The following PPP2R2A variants were observed in gnomAD, a reference collection of about 807,000 sequenced individuals.
The protein encoded by PPP2R2A is protein phosphatase 2 regulatory subunit Balpha.
In PPP2R2A, 9 loss-of-function variants were observed where a neutral mutation model predicts 53.2. That is an observed-to-expected ratio of 0.17 (90% CI 0.10 to 0.30). The LOEUF (loss-of-function observed/expected upper bound fraction) is 0.30. Ranked by LOEUF, PPP2R2A falls within the 10% of genes least tolerant of loss-of-function variation. The probability of loss-of-function intolerance (pLI) is 1.00; values close to 1 mark genes in which losing one functional copy is unlikely to be tolerated. For missense variants in PPP2R2A, 235 were observed against 534.6 expected (o/e 0.44, Z 5.53); for synonymous variants, 169 against 174.2 (o/e 0.97, Z 0.23).
intron 2 of PPP2R2A, among the ~76,000 whole-genome samples, chr8:26,322,830 C>A (rs1802908650): frequency 1.3e-5 from 2 of 152,166 alleles, no homozygotes; most frequent in Non-Finnish European, 2.9e-5. Flanking sequence ...CTTCCCCTCT[C>A]CTTTTGACGA....
chr8:26,345,885 G>C (rs1322868872), intron 3 of PPP2R2A, among the ~76,000 whole-genome samples: 1 of 152,128 alleles, frequency 6.6e-6, no homozygotes. Flanking sequence ...GCCACATATT[G>C]TGAGAGACGG....
chr8:26,348,193 G>A (rs1804316619), intron 3 of PPP2R2A, among the ~76,000 whole-genome samples: 1 of 152,102 alleles, frequency 6.6e-6, no homozygotes. Context: ...TTTATTTTCT[G>A]CTATATGAGA....
intron 2 of PPP2R2A, 144 bp downstream of exon 2, chr8:26,293,884 C>T (rs993420591): frequency 4.2e-6 from 3 of 721,260 alleles, no homozygotes; most frequent in Non-Finnish European, 6.7e-6. Flanking sequence ...TAAAAGATAC[C>T]TTTCTGAAAA....
At chr8:26,345,541 G>T (rs908701457) in intron 3 of PPP2R2A, among the ~76,000 whole-genome samples, 10 of 152,050 alleles carry the variant, frequency 6.6e-5, no homozygotes, top group African/African-American at 1.9e-4. Context: ...ATACTGTATA[G>T]TGAATACCTT....
rs1252521232 is a variant in PPP2R2A, at chr8:26,293,265, C to G, written c.8-401C>G. On this transcript the variant is annotated intron_variant, in intron 1 of 9. Coordinates refer to ENST00000380737, the MANE Select transcript of PPP2R2A (RefSeq NM_002717.4). ...GGCAGTAATGTTCCCGAAGTTTTCT[C>G]TTCGTTCTATGTTTCATGGTAGTTT... 3.1e-5 allele frequency: 47 copies of G among 1,535,304 alleles called. No homozygotes were observed. Among genetic ancestry groups the G allele is most frequent in the Non-Finnish European group, 4.0e-5 (46 of 1,146,328 alleles).
intron 3 of PPP2R2A, among the ~76,000 whole-genome samples, chr8:26,347,309 C>T (rs1804270310): frequency 6.6e-6 from 1 of 151,888 alleles, no homozygotes; most frequent in East Asian, 1.9e-4. Flanking sequence ...TTGAGATCTG[C>T]CTCCATTCCT....
chr8:26,312,131 C>T (rs551070477), intron 2 of PPP2R2A, among the ~76,000 whole-genome samples: 14 of 152,252 alleles, frequency 9.2e-5, no homozygotes, highest in African/African-American at 3.4e-4. Context: ...ATATTTAGAG[C>T]CCTTGGAAAA....
intron 2 of PPP2R2A, among the ~76,000 whole-genome samples, chr8:26,294,665 A>G (rs578052177): frequency 3.3e-5 from 5 of 151,986 alleles, no homozygotes; most frequent in Non-Finnish European, 5.9e-5. Flanking sequence ...TTTTTTCCCT[A>G]GATTGTGTTG....
Position 26,321,205 on chromosome 8 carries a change from A to T in PPP2R2A, c.83-17685A>T, listed in dbSNP as rs1802822142. Among the ~76,000 whole-genome samples, 3 of 152,246 alleles carry T rather than the reference A, an allele frequency of 2.0e-5. No individual in the cohort carries two copies. In the South Asian group the frequency reaches 6.2e-4, roughly 32 times the overall value. ...GTGACAGGACCTACTTTGAATAGCC[A>T]GAGTTAGAATTGAAGGGGGAGCCAC... is the stretch of plus-strand genomic sequence containing the variant. On this transcript the variant is annotated intron_variant, in intron 2 of 9. Coordinates refer to ENST00000380737, the MANE Select transcript of PPP2R2A (RefSeq NM_002717.4). This position sits in a 1 kb window ranked among gnomAD's most constrained non-coding sequence, Gnocchi z 4.1.
chr8:26,340,556 A>G (rs1327096019), intron 3 of PPP2R2A, among the ~76,000 whole-genome samples: 1 of 152,072 alleles, frequency 6.6e-6, no homozygotes, highest in Non-Finnish European at 1.5e-5. Context: ...GGTTTCAGAA[A>G]GTCTTCATTT....
intron 2 of PPP2R2A, among the ~76,000 whole-genome samples, chr8:26,299,981 A>G (rs954075098): frequency 2.6e-5 from 4 of 152,342 alleles, no homozygotes; most frequent in Middle Eastern, 3.4e-3. Flanking sequence ...TTACTACTGA[A>G]GTCTAGTAGA....
rs1805231825 is a variant in PPP2R2A at position 26,363,721 on chromosome 8, T to C, written c.803T>C (p.Leu268Ser). 1 of 1,577,388 alleles carries C rather than the reference T, an allele frequency of 6.3e-7. No individual in the cohort carries two copies. The highest frequency in any genetic ancestry group is 1.3e-5 in the African/African-American group (1 of 74,082). ...TTGTGTTGTTTTGTTTTGTTTTTAG[T>C]GTTTGAAGAACCTGAAGATCCCAGT... ...ASALCDRHSK[L>S]FEEPEDPSNR... is the part of the protein sequence containing the mutation. The change falls in exon 8 of 10, where the codon TTG becomes TCG. Residue 268 changes from leucine to serine, a missense_variant and splice_region_variant. Transcript: ENST00000380737.
Position 26,321,173 on chromosome 8 carries a change from G to A in PPP2R2A, c.83-17717G>A, listed in dbSNP as rs989844008. Among the ~76,000 whole-genome samples the A allele has an allele frequency of 6.6e-6, 1 of 152,216 alleles. No homozygotes were observed. Among genetic ancestry groups the A allele is most frequent in the Non-Finnish European group, 1.5e-5 (1 of 68,028 alleles). Reference sequence around the variant, plus strand: ...TTTCTGTGGTTGTGAAGCGCTAGTAGGAGTAAGTGACAGGACCTACTTTGA... The same window carrying A: ...TTTCTGTGGTTGTGAAGCGCTAGTAAGAGTAAGTGACAGGACCTACTTTGA... On this transcript the variant is annotated intron_variant, in intron 2 of 9. Transcript: ENST00000380737. This position sits in a 1 kb window ranked among gnomAD's most constrained non-coding sequence, Gnocchi z 4.1.
intron 3 of PPP2R2A, among the ~76,000 whole-genome samples, chr8:26,343,200 A>T (rs765192490): frequency 2.6e-5 from 4 of 151,928 alleles, no homozygotes; most frequent in Non-Finnish European, 4.4e-5. Context: ...ATAAATAAAT[A>T]AAATACAGAT....
At position 26,360,383 on chromosome 8, in the gene PPP2R2A, C is replaced by A; in HGVS notation, c.459+102C>A. On this transcript the variant is annotated intron_variant, in intron 5 of 9. Transcript: ENST00000380737. The surrounding 1 kb of genome is among the most constrained non-coding windows in gnomAD (Gnocchi z 4.5). ...AATAGGAATAATTACAGTCTATCTC[C>A]CCTTTCCCAGTAATTCTGTAATCAG... is the stretch of plus-strand genomic sequence containing the variant. The A allele has an allele frequency of 3.2e-6, 2 of 625,328 alleles. No individual in the cohort carries two copies. The highest frequency in any genetic ancestry group is 3.5e-4 in the Middle Eastern group (1 of 2,862). The allele number at this position is 625,328 out of a possible 1,614,324, so 38.7% of individuals were successfully genotyped here. A position where few individuals can be genotyped will look rare whatever the true frequency, so the allele number is the denominator to read the frequency against.
At chr8:26,355,764 G>A (rs1373688524) in intron 4 of PPP2R2A, among the ~76,000 whole-genome samples, 1 of 151,984 alleles carries the variant, frequency 6.6e-6, no homozygotes, top group Non-Finnish European at 1.5e-5. Flanking sequence ...ACTGGGGCGG[G>A]GGTGCTGAGG....
At chr8:26,341,622 A>G (rs933579971) in intron 3 of PPP2R2A, among the ~76,000 whole-genome samples, 2 of 152,206 alleles carry the variant, frequency 1.3e-5, no homozygotes, top group Non-Finnish European at 1.5e-5. Flanking sequence ...CAATCCAACT[A>G]TTATATGTTC....
chr8:26,354,433 C>T lies in PPP2R2A; in HGVS notation c.181-35C>T. 7.0e-7 allele frequency: 1 copy of T among 1,430,578 alleles called. No homozygotes were observed. Among genetic ancestry groups the T allele is most frequent in the Non-Finnish European group, 9.4e-7 (1 of 1,068,128 alleles). 88.6% of individuals were successfully genotyped at this position (1,430,578 alleles called of 1,614,324 possible). A position where few individuals can be genotyped will look rare whatever the true frequency, so the allele number is the denominator to read the frequency against. ...TATTTGATTATTTTGAAATATTTTT[C>T]AACAATGGTCCATATATTTTTGTTT... is the stretch of plus-strand genomic sequence containing the variant. On this transcript the variant is annotated intron_variant, in intron 3 of 9. Transcript: ENST00000380737. This position sits in a 1 kb window ranked among gnomAD's most constrained non-coding sequence, Gnocchi z 4.6.
In PPP2R2A at chr8:26,360,325, ATAT is replaced by A; in HGVS notation, c.459+48_459+50del. 8.4e-7 allele frequency: 1 copy of A among 1,191,926 alleles called. No individual in the cohort carries two copies. Among genetic ancestry groups the A allele is most frequent in the Non-Finnish European group, 1.2e-6 (1 of 817,370 alleles). 73.8% of individuals were successfully genotyped at this position (1,191,926 alleles called of 1,614,324 possible). ...AATGTCACAGATAGTGCTTGTATTC[ATAT>A]TATATAGCCCAAATCCTGAGCAGAG... On this transcript the variant is annotated intron_variant, in intron 5 of 9. Coordinates refer to ENST00000380737, the MANE Select transcript of PPP2R2A (RefSeq NM_002717.4). This position sits in a 1 kb window ranked among gnomAD's most constrained non-coding sequence, Gnocchi z 4.5.
Sources: gnomAD v4.1 joint callset for allele counts (sites outside exome capture counted in the v4.1 genomes callset) on GRCh38, gnomAD v4.1.1 for gene constraint, Gnocchi (gnomAD v3.1) non-coding constraint, MANE v1.5 for transcripts, NCBI Gene and HGNC (gene_info 2026-07-23, HGNC 2026-07-21) for gene names.